PARD3B: variants seen among roughly 807,000 people sequenced by gnomAD.
The protein encoded by PARD3B is partitioning defective 3 homolog B.
In PARD3B, 103 loss-of-function variants were observed where a neutral mutation model predicts 130.2. That is an observed-to-expected ratio of 0.79 (90% CI 0.67 to 0.93). The LOEUF is 0.93. Ranked by LOEUF, PARD3B falls within the 40% of genes least tolerant of loss-of-function variation. The pLI, the probability that PARD3B is intolerant of heterozygous loss-of-function variation, is 0.00. For missense variants in PARD3B, 1,609 were observed against 1,499.2 expected (o/e 1.07, Z -1.21); for synonymous variants, 583 against 553.2 (o/e 1.05, Z -0.76).
chr2:205,593,148 G>A (rs2054448440), intron 22 of PARD3B, among the ~76,000 whole-genome samples: 1 of 152,290 alleles, frequency 6.6e-6, no homozygotes, highest in African/African-American at 2.4e-5. Context: ...TTTTTTAAGA[G>A]TAAGCATTTG....
intron 2 of PARD3B, among the ~76,000 whole-genome samples, chr2:204,687,934 G>C (rs2037166445): frequency 1.3e-5 from 2 of 152,134 alleles, no homozygotes; most frequent in South Asian, 4.1e-4. Flanking sequence ...TCCATGAACA[G>C]TGCCCAGGGA....
In PARD3B at chr2:205,550,362, G is replaced by A. The variant is rs908771456; in HGVS notation, c.3181-2962G>A. Reference sequence around the variant, plus strand: ...GTTTGCAGGCCTGTTTCCATGAGGAGACCCGCTGGATTTCTTCATTGCTTT... The same window carrying A: ...GTTTGCAGGCCTGTTTCCATGAGGAAACCCGCTGGATTTCTTCATTGCTTT... On this transcript the variant is annotated intron_variant, in intron 21 of 22. Coordinates refer to ENST00000406610, the MANE Select transcript of PARD3B (RefSeq NM_001302769.2). This position sits in a 1 kb window ranked among gnomAD's most constrained non-coding sequence, Gnocchi z 4.5. 2.6e-5 allele frequency among the ~76,000 whole-genome samples: 4 copies of A among 152,170 alleles called. No homozygotes were observed. The highest frequency in any genetic ancestry group is 7.2e-5 in the African/African-American group (3 of 41,446).
intron 18 of PARD3B, among the ~76,000 whole-genome samples, chr2:205,322,535 C>T (rs2042786251): frequency 6.6e-6 from 1 of 152,186 alleles, no homozygotes; most frequent in African/African-American, 2.4e-5. Flanking sequence ...TGTTCCTCAT[C>T]GCTGGCCTGT....
chr2:205,191,090 A>G (rs944646439), intron 14 of PARD3B, among the ~76,000 whole-genome samples: 1 of 151,736 alleles, frequency 6.6e-6, no homozygotes, highest in Non-Finnish European at 1.5e-5. Flanking sequence ...AAAAAAAAAA[A>G]AGGCTACATA....
At chr2:204,783,710 G>A (rs1240374944) in intron 2 of PARD3B, among the ~76,000 whole-genome samples, 1 of 152,086 alleles carries the variant, frequency 6.6e-6, no homozygotes, top group African/African-American at 2.4e-5. Context: ...ATCCCAAGAG[G>A]TTAAATGTCT....
chr2:205,447,358 G>A (rs2047941189), intron 20 of PARD3B, among the ~76,000 whole-genome samples: 1 of 152,188 alleles, frequency 6.6e-6, no homozygotes, highest in Admixed American at 6.5e-5. Context: ...TTGGAATAAT[G>A]AATGAATGGT....
intron 2 of PARD3B, among the ~76,000 whole-genome samples, chr2:204,726,565 C>T (rs2039237600): frequency 6.6e-6 from 1 of 152,246 alleles, no homozygotes; most frequent in African/African-American, 2.4e-5. Context: ...AACCTTTTAC[C>T]TCTTAGTCCA....
chr2:205,135,855 G>A (rs2032437688), intron 10 of PARD3B, among the ~76,000 whole-genome samples: 1 of 152,082 alleles, frequency 6.6e-6, no homozygotes. Flanking sequence ...AGATGTTCAA[G>A]TACACATCAC....
chr2:205,056,915 ATATATATAT>A (rs371125595), intron 4 of PARD3B, among the ~76,000 whole-genome samples: 27,125 of 130,390 alleles, frequency 0.21, 2,762 homozygotes, highest in East Asian at 0.37. Context: ...ACACACACAC[ATATATATAT>A]ATATATATAT....
chr2:205,048,635 G>A (rs1251372269), intron 4 of PARD3B: 1 of 152,132 alleles, frequency 6.6e-6, no homozygotes, highest in African/African-American at 2.4e-5. Context: ...GGTATATACG[G>A]ATGCTGAAAT....
At chr2:205,539,548 A>G (rs940451020) in intron 21 of PARD3B, among the ~76,000 whole-genome samples, 1 of 152,128 alleles carries the variant, frequency 6.6e-6, no homozygotes, top group Non-Finnish European at 1.5e-5. Context: ...TGGTCACTCT[A>G]TCCTTTCCCC....
In PARD3B at chr2:204,587,860, T is replaced by C. The variant is rs1287572366; in HGVS notation, c.120+41741T>C. On this transcript the variant is annotated intron_variant, in intron 1 of 22. Transcript: ENST00000406610. The stretch of plus-strand genomic sequence containing the variant: ...TGCTGTTTTTGTGATAGTGAATGGG[T>C]TCTTATGAGATCTGATGGTTTAATA... 3.9e-5 allele frequency among the ~76,000 whole-genome samples: 6 copies of C among 152,214 alleles called. No homozygotes were observed. In the South Asian group the frequency reaches 1.2e-3, roughly 32 times the overall value.
At position 205,301,421 on chromosome 2, in the gene PARD3B, T is replaced by C; in HGVS notation, c.2393-43T>C. 3 of 1,575,504 alleles carry C rather than the reference T, an allele frequency of 1.9e-6. No homozygotes were observed. The Middle Eastern group carries it at 5.2e-4, about 271-fold the overall frequency. On this transcript the variant is annotated intron_variant, in intron 17 of 22. Transcript: ENST00000406610. The surrounding 1 kb of genome is among the most constrained non-coding windows in gnomAD (Gnocchi z 5.2). ...AGCGTTTCTCTGTATACTAACTGAG[T>C]GTGCCCCTGACCATGGGTATTGATT... is the stretch of plus-strand genomic sequence containing the variant.
chr2:205,062,583 T>C (rs1700123679), intron 4 of PARD3B, among the ~76,000 whole-genome samples: 1 of 152,200 alleles, frequency 6.6e-6, no homozygotes, highest in Non-Finnish European at 1.5e-5. Context: ...GTATTGTTTT[T>C]TATCTTTGCA....
At chr2:204,582,884 A>G (rs556767822) in intron 1 of PARD3B, among the ~76,000 whole-genome samples, 1 of 152,316 alleles carries the variant, frequency 6.6e-6, no homozygotes, top group South Asian at 2.1e-4. Flanking sequence ...ATGGCCAGTG[A>G]TGATGAGCAT....
At chr2:205,222,124 T>C (rs377316470) in intron 15 of PARD3B, among the ~76,000 whole-genome samples, 7 of 151,638 alleles carry the variant, frequency 4.6e-5, no homozygotes, top group African/African-American at 1.7e-4. Context: ...AAAATCCCAG[T>C]AATTTTCTCA....
intron 1 of PARD3B, among the ~76,000 whole-genome samples, chr2:204,670,908 C>G (rs2036268583): frequency 6.6e-6 from 1 of 152,172 alleles, no homozygotes; most frequent in Non-Finnish European, 1.5e-5. Context: ...CAATCTTCCA[C>G]TGAGTTAAAA....
At chr2:205,018,035 G>T (rs113423244) in intron 3 of PARD3B, among the ~76,000 whole-genome samples, 1 of 152,140 alleles carries the variant, frequency 6.6e-6, no homozygotes, top group South Asian at 2.1e-4. Context: ...ATATGCTGTT[G>T]CCAGGCACTG....
At chr2:205,133,155 T>G (rs2032166537) in intron 10 of PARD3B, among the ~76,000 whole-genome samples, 1 of 152,210 alleles carries the variant, frequency 6.6e-6, no homozygotes, top group South Asian at 2.1e-4. Flanking sequence ...TAGTTTTCCA[T>G]GTAAATGACA....
Sources: allele counts gnomAD v4.1 joint callset (sites outside exome capture counted in the v4.1 genomes callset), GRCh38; gene constraint gnomAD v4.1.1; non-coding constraint Gnocchi (gnomAD v3.1); transcripts MANE v1.5; gene names NCBI Gene and HGNC (gene_info 2026-07-23, HGNC 2026-07-21).